The following GRM1 variants were observed in gnomAD, a reference collection of about 807,000 sequenced individuals.
GRM1 encodes glutamate metabotropic receptor 1.
A neutral mutation model predicts 90.9 loss-of-function variants in GRM1; 33 were observed. The ratio of observed to expected loss-of-function variants is 0.36; its 90% CI spans 0.28 to 0.49. GRM1 has a LOEUF of 0.49. GRM1 is among the 20% of genes least tolerant of loss of function. The probability of loss-of-function intolerance (pLI) is 0.99; values close to 1 mark genes in which losing one functional copy is unlikely to be tolerated. For synonymous variants in GRM1, 700 were observed against 613.2 expected (o/e 1.14, Z -2.09); for missense variants, 1,190 against 1,534.3 (o/e 0.78, Z 3.75).
chr6:146,429,568 G>A (rs566538268), intron 7 of GRM1, among the ~76,000 whole-genome samples: 6 of 152,212 alleles, frequency 3.9e-5, no homozygotes, highest in East Asian at 1.9e-4. Context: ...GAGGGCTGAC[G>A]AATGTGAAGT....
At chr6:146,188,086 A>G (rs1336238418) in intron 2 of GRM1, among the ~76,000 whole-genome samples, 2 of 152,126 alleles carry the variant, frequency 1.3e-5, no homozygotes, top group Non-Finnish European at 2.9e-5. Context: ...TCAAAAAAGG[A>G]TTAATTTTTC....
intron 1 of GRM1, among the ~76,000 whole-genome samples, chr6:146,114,865 A>G (rs967097770): frequency 2.6e-5 from 4 of 152,142 alleles, no homozygotes; most frequent in African/African-American, 9.7e-5. Flanking sequence ...AAAAATACAC[A>G]AATAATAAGA....
intron 3 of GRM1, among the ~76,000 whole-genome samples, chr6:146,305,841 A>G (rs1783560607): frequency 1.3e-5 from 2 of 152,174 alleles, no homozygotes; most frequent in Non-Finnish European, 2.9e-5. Context: ...ATAATCCATG[A>G]CTCTTGACCT....
At position 146,050,260 on chromosome 6, in the gene GRM1, T is replaced by G. The variant is rs1038786807; in HGVS notation, c.700+20043T>G. On this transcript the variant is annotated intron_variant, in intron 1 of 7. Coordinates refer to ENST00000282753, the MANE Select transcript of GRM1 (RefSeq NM_001278064.2). ...AGAAAAGGATAAAATAAATGCACAC[T>G]GGGTCTTCCTTTTCTGTTTTCTTCA... Among the ~76,000 whole-genome samples the G allele has an allele frequency of 3.3e-5, 5 of 152,142 alleles. 1 individual carries two copies. In the South Asian group the frequency reaches 8.3e-4, roughly 25 times the overall value.
intron 1 of GRM1, among the ~76,000 whole-genome samples, chr6:146,125,287 CAT>C (rs1776154485): frequency 6.6e-6 from 1 of 152,106 alleles, no homozygotes; most frequent in South Asian, 2.1e-4. Context: ...ACACAGGAAA[CAT>C]ATCTTAATTT....
chr6:146,236,366 A>G (rs1033433210), intron 2 of GRM1, among the ~76,000 whole-genome samples: 3 of 152,140 alleles, frequency 2.0e-5, no homozygotes, highest in Non-Finnish European at 4.4e-5. Flanking sequence ...GTTGTTCTCA[A>G]TGGTTTTTCC....
intron 2 of GRM1, among the ~76,000 whole-genome samples, chr6:146,256,702 C>A (rs1336472689): frequency 5.9e-5 from 9 of 152,118 alleles, no homozygotes; most frequent in Non-Finnish European, 1.3e-4. Context: ...TGGACCTTCT[C>A]AAACCCCAAC....
intron 2 of GRM1, among the ~76,000 whole-genome samples, chr6:146,287,241 A>G (rs1782798666): frequency 6.6e-6 from 1 of 152,160 alleles, no homozygotes; most frequent in African/African-American, 2.4e-5. Flanking sequence ...TTGTGATGAA[A>G]TCAGTCTGGG....
chr6:146,221,383 CCCCT>C (rs1288374520), intron 2 of GRM1, among the ~76,000 whole-genome samples: 13 of 152,074 alleles, frequency 8.5e-5, no homozygotes, highest in Non-Finnish European at 1.5e-4. Context: ...GTGTGATGTT[CCCCT>C]CCCTGTGTCC....
chr6:146,095,656 T>C (rs1458590752), intron 1 of GRM1, among the ~76,000 whole-genome samples: 1 of 152,186 alleles, frequency 6.6e-6, no homozygotes, highest in Non-Finnish European at 1.5e-5. Context: ...CTCTGAATCA[T>C]CTTTGTATGC....
chr6:146,271,915 C>T (rs898597678), intron 2 of GRM1, among the ~76,000 whole-genome samples: 1 of 152,210 alleles, frequency 6.6e-6, no homozygotes, highest in Non-Finnish European at 1.5e-5. Context: ...GTTTTTCTAA[C>T]ACTTTGCAGC....
intron 1 of GRM1, among the ~76,000 whole-genome samples, chr6:146,058,382 A>T (rs893479542): frequency 5.3e-5 from 8 of 152,306 alleles, no homozygotes; most frequent in South Asian, 2.1e-4. Flanking sequence ...TGTTTACACT[A>T]TACTATAATT....
intron 3 of GRM1, among the ~76,000 whole-genome samples, chr6:146,342,668 C>T (rs1434476010): frequency 6.6e-6 from 1 of 152,200 alleles, no homozygotes; most frequent in Non-Finnish European, 1.5e-5. Context: ...ATGAATAGAA[C>T]AGCACATGTA....
At chr6:146,216,895 G>A (rs1245576910) in intron 2 of GRM1, among the ~76,000 whole-genome samples, 1 of 152,160 alleles carries the variant, frequency 6.6e-6, no homozygotes, top group Non-Finnish European at 1.5e-5. Context: ...GCCCAACTTG[G>A]TTTGGGTTTC....
Position 146,029,153 on chromosome 6 carries a change from C to T in GRM1, c.-365C>T, listed in dbSNP as rs906489732. On this transcript the variant is annotated 5_prime_UTR_variant, in exon 1 of 8. Transcript: ENST00000282753. The stretch of plus-strand genomic sequence containing the variant: ...TAGACCCCAGAGTTTTAACACAGGT[C>T]CTCTGATGACAAGGTTGTGATTTTT... 1.4e-5 allele frequency: 5 copies of T among 359,134 alleles called. No individual in the cohort carries two copies. Among genetic ancestry groups the T allele is most frequent in the Non-Finnish European group, 2.7e-5 (5 of 187,474 alleles). 22.2% of individuals were successfully genotyped at this position (359,134 alleles called of 1,614,324 possible).
rs1777083842 is a variant in GRM1 at position 146,399,691 on chromosome 6, G to A, written c.2652G>A (p.Gly884=). The A allele has an allele frequency of 2.5e-6, 4 of 1,607,608 alleles. No homozygotes were observed. Among genetic ancestry groups the A allele is most frequent in the Admixed American group, 3.3e-5 (2 of 59,870 alleles). ...NIFRRKKAGA[G]NANSNGKSVS... ...TCCGAAGAAAGAAGGCAGGGGCAGG[G>A]AATGCCAAGTGAGTTATCTGACCTG... The change falls in exon 7 of 8, where the codon GGG becomes GGA. Residue 884 remains glycine (G), a synonymous_variant. Coordinates refer to ENST00000282753, the MANE Select transcript of GRM1 (RefSeq NM_001278064.2). The surrounding 1 kb of genome is among the most constrained non-coding windows in gnomAD (Gnocchi z 5.4).
intron 1 of GRM1, among the ~76,000 whole-genome samples, chr6:146,041,062 A>G (rs1462559024): frequency 6.6e-6 from 1 of 151,748 alleles, no homozygotes; most frequent in East Asian, 1.9e-4. Flanking sequence ...TGATTCAACT[A>G]AAGTATTTCT....
At chr6:146,309,505 A>G (rs1249269805) in intron 3 of GRM1, among the ~76,000 whole-genome samples, 1 of 152,180 alleles carries the variant, frequency 6.6e-6, no homozygotes, top group East Asian at 1.9e-4. Flanking sequence ...TTTATTTTGC[A>G]TAATTATCAT....
chr6:146,066,766 CAGAGAGAGAGAG>C (rs560090955), intron 1 of GRM1, among the ~76,000 whole-genome samples: 3 of 60,082 alleles, frequency 5.0e-5, no homozygotes, highest in East Asian at 7.2e-4. Context: ...GACAGACAGG[CAGAGAGAGAGAG>C]AGAGAGAGAG....
Sources: gnomAD v4.1 joint callset for allele counts (sites outside exome capture counted in the v4.1 genomes callset) on GRCh38, gnomAD v4.1.1 for gene constraint, Gnocchi (gnomAD v3.1) non-coding constraint, MANE v1.5 for transcripts, NCBI Gene and HGNC (gene_info 2026-07-23, HGNC 2026-07-21) for gene names.